The following GUCY2C variants were observed in gnomAD, a reference collection of about 807,000 sequenced individuals.
GUCY2C encodes guanylyl cyclase C.
In GUCY2C, 118 loss-of-function variants were observed where a neutral mutation model predicts 131.1. The ratio of observed to expected loss-of-function variants is 0.90; its 90% CI spans 0.78 to 1.05. The LOEUF is 1.05. Among genes scored for constraint, GUCY2C ranks in the 50% least tolerant of loss-of-function variants. The pLI, the probability that GUCY2C is intolerant of heterozygous loss-of-function variation, is 0.00. For missense variants in GUCY2C, 1,161 were observed against 1,304.4 expected (o/e 0.89, Z 1.69); for synonymous variants, 452 against 457.8 (o/e 0.99, Z 0.16).
intron 10 of GUCY2C, among the ~76,000 whole-genome samples, chr12:14,662,428 C>A (rs1488512003): frequency 6.6e-6 from 1 of 152,012 alleles, no homozygotes; most frequent in Non-Finnish European, 1.5e-5. Context: ...GTAATCCCAG[C>A]ACTTTGGGGG....
At chr12:14,644,750 T>G (rs1250868482) in intron 16 of GUCY2C, among the ~76,000 whole-genome samples, 1 of 149,864 alleles carries the variant, frequency 6.7e-6, no homozygotes, top group Admixed American at 6.6e-5. Flanking sequence ...CTTTTTTTTT[T>G]TTTTTTTTTT....
intron 10 of GUCY2C, among the ~76,000 whole-genome samples, chr12:14,667,866 A>C (rs1948013198): frequency 6.6e-6 from 1 of 152,116 alleles, no homozygotes; most frequent in African/African-American, 2.4e-5. Context: ...CAAAGTTAGA[A>C]TCTCATTAAA....
intron 16 of GUCY2C, 142 bp from the exon 17 acceptor site, chr12:14,643,848 C>T: frequency 1.4e-6 from 1 of 704,446 alleles, no homozygotes; most frequent in Non-Finnish European, 2.4e-6. Context: ...ACTATTTTTA[C>T]CTTAACAATA....
chr12:14,653,395 G>A (rs1947704924), intron 12 of GUCY2C, among the ~76,000 whole-genome samples: 1 of 152,136 alleles, frequency 6.6e-6, no homozygotes, highest in Admixed American at 6.5e-5. Flanking sequence ...ATGCCTAAAG[G>A]CCCAAGTAGC....
intron 4 of GUCY2C, 27 bp from the exon 5 acceptor site, chr12:14,681,504 AC>A (rs764651803): frequency 6.3e-7 from 1 of 1,594,074 alleles, no homozygotes; most frequent in Non-Finnish European, 8.6e-7. Context: ...AGAAACTAAA[AC>A]AGCTTACTTC....
At chr12:14,673,044 G>T (rs1565629822) in intron 8 of GUCY2C, 86 bp from the exon 9 acceptor site, 1 of 772,348 alleles carries the variant, frequency 1.3e-6, no homozygotes, top group East Asian at 2.5e-5. Flanking sequence ...TGTAAAATGG[G>T]TTCAAATAGC....
Position 14,686,308 on chromosome 12 carries a change from C to T in GUCY2C, c.331-83G>A. The T allele has an allele frequency of 5.0e-6, 5 of 1,003,564 alleles. No individual in the cohort carries two copies. The South Asian group carries it at 6.8e-5, about 14-fold the overall frequency. The allele number at this position is 1,003,564 out of a possible 1,614,324, so 62.2% of individuals were successfully genotyped here. A position where few individuals can be genotyped will look rare whatever the true frequency, so the allele number is the denominator to read the frequency against. On this transcript the variant is annotated intron_variant, in intron 2 of 26. Transcript: ENST00000261170. ...GGAAAGAAGTAGCAAGGGGAAGGCTCCCAGAGGTTTAGAAAGTTGGGCCTC... is the reference window on the plus strand; with the variant it reads ...GGAAAGAAGTAGCAAGGGGAAGGCTTCCAGAGGTTTAGAAAGTTGGGCCTC...
At chr12:14,616,251 G>C (rs1255973483) in intron 25 of GUCY2C, among the ~76,000 whole-genome samples, 1 of 152,160 alleles carries the variant, frequency 6.6e-6, no homozygotes, top group African/African-American at 2.4e-5. Context: ...ACTGGCAAGA[G>C]AGGTGACCTC....
chr12:14,682,446 G>A (rs1948366467), intron 4 of GUCY2C, among the ~76,000 whole-genome samples: 1 of 152,130 alleles, frequency 6.6e-6, no homozygotes, highest in Non-Finnish European at 1.5e-5. Context: ...TGCCATGATT[G>A]TAAGTTTCCT....
intron 19 of GUCY2C, among the ~76,000 whole-genome samples, chr12:14,631,520 G>A (rs1229780459): frequency 6.6e-6 from 1 of 151,930 alleles, no homozygotes; most frequent in Non-Finnish European, 1.5e-5. Flanking sequence ...TGAGAATGAT[G>A]ATTTCCAATT....
At chr12:14,636,790 T>C (rs926286451) in intron 19 of GUCY2C, among the ~76,000 whole-genome samples, 3 of 152,038 alleles carry the variant, frequency 2.0e-5, no homozygotes, top group Admixed American at 1.3e-4. Flanking sequence ...AGTTGAAGGA[T>C]ATAAAATTAA....
Position 14,686,153 on chromosome 12 carries a change from T to C in GUCY2C, c.395+8A>G, listed in dbSNP as rs2137101481. 6.6e-7 allele frequency: 1 copy of C among 1,520,656 alleles called. No homozygotes were observed. The highest frequency in any genetic ancestry group is 9.1e-7 in the Non-Finnish European group (1 of 1,094,858). 94.2% of individuals were successfully genotyped at this position (1,520,656 alleles called of 1,614,324 possible). A position where few individuals can be genotyped will look rare whatever the true frequency, so the allele number is the denominator to read the frequency against. On this transcript the variant is annotated splice_region_variant and intron_variant, in intron 3 of 26. Coordinates refer to ENST00000261170, the MANE Select transcript of GUCY2C (RefSeq NM_004963.4). Reference sequence around the variant, plus strand: ...GTCCTGACTTCAGTTCACAGTAGTATTACTTACTACATCTGGAAGGTGGAG... The same window carrying C: ...GTCCTGACTTCAGTTCACAGTAGTACTACTTACTACATCTGGAAGGTGGAG...
At chr12:14,683,533 T>C (rs975622136) in intron 3 of GUCY2C, among the ~76,000 whole-genome samples, 4 of 152,186 alleles carry the variant, frequency 2.6e-5, no homozygotes, top group African/African-American at 9.7e-5. Flanking sequence ...CATCATGATA[T>C]CTGGGCTGGG....
chr12:14,649,550 G>A (rs1037857529), intron 15 of GUCY2C, among the ~76,000 whole-genome samples: 1 of 152,066 alleles, frequency 6.6e-6, no homozygotes, highest in African/African-American at 2.4e-5. Context: ...TAAGCCAGTT[G>A]TATACACAAA....
intron 17 of GUCY2C, 96 bp from the exon 18 acceptor site, chr12:14,641,315 C>T: frequency 1.6e-6 from 2 of 1,214,064 alleles, no homozygotes; most frequent in Non-Finnish European, 2.4e-6. Context: ...ACACCATCCA[C>T]TCTAAATATG....
chr12:14,645,833 TTTTTG>T (rs765631372), intron 15 of GUCY2C, among the ~76,000 whole-genome samples: 3 of 151,432 alleles, frequency 2.0e-5, no homozygotes, highest in African/African-American at 7.3e-5. Flanking sequence ...TCTTTGTTTT[TTTTTG>T]TTTTGTTTTG....
At chr12:14,686,925 G>C (rs180808132) in intron 2 of GUCY2C, among the ~76,000 whole-genome samples, 1 of 152,304 alleles carries the variant, frequency 6.6e-6, no homozygotes, top group Non-Finnish European at 1.5e-5. Flanking sequence ...ATTGATTAAA[G>C]TTTAGAGCCG....
In GUCY2C at chr12:14,614,943, C is replaced by T; in HGVS notation, c.2971G>A (p.Gly991Arg). The T allele has an allele frequency of 6.4e-7, 1 of 1,563,382 alleles. No individual in the cohort carries two copies. Among genetic ancestry groups the T allele is most frequent in the South Asian group, 1.2e-5 (1 of 84,414 alleles). The change falls in exon 26 of 27, where the codon GGA becomes AGA. Residue 991 changes from glycine to arginine, a missense_variant and splice_region_variant. By Grantham distance (125) the Gly-to-Arg change is moderately radical. Coordinates refer to ENST00000261170, the MANE Select transcript of GUCY2C (RefSeq NM_004963.4). ...YEVRGETYLK[G>R]RGNETTYWLT... ...CAGTAGGTAGTCTCATTTCCTCTTC[C>T]CTGGTAAGACAAAAGAGTTACGTAC...
chr12:14,682,415 C>A (rs1472296702), intron 4 of GUCY2C, among the ~76,000 whole-genome samples: 1 of 152,134 alleles, frequency 6.6e-6, no homozygotes, highest in Non-Finnish European at 1.5e-5. Flanking sequence ...GAAGAAAGTG[C>A]CTTGCTTGTC....
Sources: allele counts gnomAD v4.1 joint callset (sites outside exome capture counted in the v4.1 genomes callset), GRCh38; gene constraint gnomAD v4.1.1; transcripts MANE v1.5; gene names NCBI Gene and HGNC (gene_info 2026-07-23, HGNC 2026-07-21).